UBE3A: variants seen among roughly 807,000 people sequenced by gnomAD.
UBE3A encodes the protein ubiquitin-protein ligase E3A.
A neutral mutation model predicts 83.4 loss-of-function variants in UBE3A; 6 were observed. The observed-to-expected ratio is 0.07, with a 90% CI of 0.04 to 0.14. The LOEUF (loss-of-function observed/expected upper bound fraction) is 0.14. UBE3A is among the 10% of genes least tolerant of loss of function. The probability of loss-of-function intolerance (pLI) is 1.00; values close to 1 mark genes in which losing one functional copy is unlikely to be tolerated. For missense variants in UBE3A, 456 were observed against 1,036.1 expected (o/e 0.44, Z 7.69); for synonymous variants, 337 against 355.4 (o/e 0.95, Z 0.58).
chr15:25,403,212 G>A (rs1031137600), intron 4 of UBE3A, among the ~76,000 whole-genome samples: 3 of 152,010 alleles, frequency 2.0e-5, no homozygotes, highest in Non-Finnish European at 2.9e-5. Flanking sequence ...ACTCTGATAC[G>A]GTTTCTGATT....
intron 11 of UBE3A, chr15:25,345,767 A>AT (rs2152561684): frequency 6.6e-6 from 1 of 152,310 alleles, no homozygotes; most frequent in East Asian, 1.9e-4. Flanking sequence ...AAAATAACAA[A>AT]TCATTAGAAA....
At chr15:25,415,345 C>T (rs984242772) in intron 1 of UBE3A, among the ~76,000 whole-genome samples, 1 of 152,198 alleles carries the variant, frequency 6.6e-6, no homozygotes, top group Non-Finnish European at 1.5e-5. Context: ...ATTTGAGGCC[C>T]CTGCCATGTG....
chr15:25,339,310 C>CACTT (rs759352936), intron 12 of UBE3A, 53 bp from the exon 13 acceptor site: 85 of 1,593,596 alleles, frequency 5.3e-5, no homozygotes, highest in Non-Finnish European at 6.9e-5. Flanking sequence ...ATGGGAAATA[C>CACTT]ACTTAGAATT....
intron 7 of UBE3A, among the ~76,000 whole-genome samples, chr15:25,358,668 G>GA (rs1207968025): frequency 1.3e-5 from 2 of 152,072 alleles, no homozygotes; most frequent in Non-Finnish European, 2.9e-5. Context: ...TAAAATCTTT[G>GA]AAAATGTCAT....
At chr15:25,366,845 T>C (rs1347061232) in intron 6 of UBE3A, among the ~76,000 whole-genome samples, 1 of 152,180 alleles carries the variant, frequency 6.6e-6, no homozygotes, top group Non-Finnish European at 1.5e-5. Context: ...AGTCTGGCTT[T>C]ATCAAAATAT....
intron 5 of UBE3A, among the ~76,000 whole-genome samples, chr15:25,373,211 A>G (rs998047403): frequency 2.6e-5 from 4 of 152,206 alleles, no homozygotes; most frequent in Non-Finnish European, 5.9e-5. Context: ...CCTTCTTACA[A>G]GACAATGCAA....
chr15:25,354,239 G>C, intron 11 of UBE3A, 114 bp downstream of exon 11: 1 of 867,692 alleles, frequency 1.2e-6, no homozygotes, highest in Non-Finnish European at 1.9e-6. Context: ...GTATATAGAT[G>C]ACAATTTGTG....
At position 25,337,202 on chromosome 15, in the gene UBE3A, TAATA is replaced by T. The variant is rs1160577810; in HGVS notation, c.*1931_*1934del. 2.0e-5 allele frequency: 3 copies of T among 152,200 alleles called. No homozygotes were observed. The highest frequency in any genetic ancestry group is 2.9e-5 in the Non-Finnish European group (2 of 68,036). 9.4% of individuals were successfully genotyped at this position (152,200 alleles called of 1,614,324 possible). On this transcript the variant is annotated 3_prime_UTR_variant, in exon 13 of 13. Coordinates refer to ENST00000648336, the MANE Select transcript of UBE3A (RefSeq NM_130839.5). ...ATACGTTATTACAATTGTAGAACTT[TAATA>T]AATACCATAATAATAAAACTTGAGA...
At chr15:25,391,039 AT>A (rs1289000207) in intron 4 of UBE3A, among the ~76,000 whole-genome samples, 18 of 152,196 alleles carry the variant, frequency 1.2e-4, no homozygotes, top group Admixed American at 1.0e-3. Context: ...TCTCAAAAAA[AT>A]ATTTGTATAC....
intron 11 of UBE3A, chr15:25,346,949 T>C (rs2075777616): frequency 1.3e-5 from 2 of 152,196 alleles, no homozygotes; most frequent in Admixed American, 6.5e-5. Flanking sequence ...AAATTTTCCA[T>C]GTTTGGCAAA....
At position 25,412,949 on chromosome 15, in the gene UBE3A, T is replaced by A. The variant is rs186832623; in HGVS notation, c.-164-978A>T. The A allele has an allele frequency of 4.4e-4, 184 of 421,104 alleles. 1 individual carries two copies. Among genetic ancestry groups the A allele is most frequent in the East Asian group, 9.7e-4 (13 of 13,466 alleles). 26.1% of individuals were successfully genotyped at this position (421,104 alleles called of 1,614,324 possible). A position where few individuals can be genotyped will look rare whatever the true frequency, so the allele number is the denominator to read the frequency against. ...AGTAGGGGTAAATGAATTTTTTTTT[T>A]AATTTTTTTCAGACCAACCCAAGAA... is the stretch of plus-strand genomic sequence containing the variant. On this transcript the variant is annotated intron_variant, in intron 1 of 12. Coordinates refer to ENST00000648336, the MANE Select transcript of UBE3A (RefSeq NM_130839.5).
At chr15:25,375,811 A>C (rs769556539) in intron 4 of UBE3A, 48 bp from the exon 5 acceptor site, 7 of 1,597,108 alleles carry the variant, frequency 4.4e-6, no homozygotes, top group Non-Finnish European at 5.1e-6. Flanking sequence ...TACAGCTCTC[A>C]AGTACAAAGC....
chr15:25,437,970 C>G (rs1895647455), intron 1 of UBE3A: 1 of 152,374 alleles, frequency 6.6e-6, no homozygotes, highest in Non-Finnish European at 1.5e-5. Flanking sequence ...CACAGAGTAA[C>G]CTGTGCGCAC....
At position 25,370,417 on chromosome 15, in the gene UBE3A, C is replaced by G. The variant is rs559433660; in HGVS notation, c.1608+149G>C. ...CATCTATAAACTTGCACAGGAACAA[C>G]AAAAGTATAATACTTATATAAGATC... On this transcript the variant is annotated intron_variant, in intron 6 of 12. Transcript: ENST00000648336. The surrounding 1 kb of genome is among the most constrained non-coding windows in gnomAD (Gnocchi z 4.2). The G allele has an allele frequency of 3.1e-6, 3 of 955,098 alleles. No individual in the cohort carries two copies. Among genetic ancestry groups the G allele is most frequent in the Non-Finnish European group, 4.9e-6 (3 of 615,564 alleles). The allele number at this position is 955,098 out of a possible 1,614,324, so 59.2% of individuals were successfully genotyped here. A position where few individuals can be genotyped will look rare whatever the true frequency, so the allele number is the denominator to read the frequency against.
chr15:25,425,001 G>C (rs925793925), intron 1 of UBE3A, among the ~76,000 whole-genome samples: 2 of 151,966 alleles, frequency 1.3e-5, no homozygotes, highest in Non-Finnish European at 2.9e-5. Context: ...TTTTTTGCAA[G>C]CTAACCCTAA....
intron 6 of UBE3A, among the ~76,000 whole-genome samples, chr15:25,363,666 AT>A (rs1204951303): frequency 3.3e-5 from 5 of 150,078 alleles, no homozygotes; most frequent in Admixed American, 6.7e-5. Context: ...ACGACCAAAA[AT>A]TTTTTTTTTA....
chr15:25,365,642 G>C (rs2152772988), intron 6 of UBE3A, among the ~76,000 whole-genome samples: 1 of 151,964 alleles, frequency 6.6e-6, no homozygotes, highest in East Asian at 1.9e-4. Context: ...CAGCTACTCG[G>C]GAGGCTGAGG....
intron 4 of UBE3A, among the ~76,000 whole-genome samples, chr15:25,401,751 CTT>C (rs1195842349): frequency 6.6e-6 from 1 of 151,768 alleles, no homozygotes; most frequent in East Asian, 1.9e-4. Flanking sequence ...TTTTTTTTAT[CTT>C]GAGTCATCTC....
At chr15:25,423,354 A>AT (rs1890385253) in intron 1 of UBE3A, among the ~76,000 whole-genome samples, 1 of 152,172 alleles carries the variant, frequency 6.6e-6, no homozygotes, top group South Asian at 2.1e-4. Flanking sequence ...TGCTAAAATT[A>AT]TTTTTTAAAA....
Sources: allele counts gnomAD v4.1 joint callset (sites outside exome capture counted in the v4.1 genomes callset), GRCh38; gene constraint gnomAD v4.1.1; non-coding constraint Gnocchi (gnomAD v3.1); transcripts MANE v1.5; gene names NCBI Gene and HGNC (gene_info 2026-07-23, HGNC 2026-07-21).